CUX1: variants seen among roughly 807,000 people sequenced by gnomAD.
The protein encoded by CUX1 is cut like homeobox 1, also known as protein CASP.
Under a neutral mutation model 158.8 loss-of-function variants are expected in CUX1, and 31 were observed. The ratio of observed to expected loss-of-function variants is 0.20; its 90% CI spans 0.15 to 0.26. The LOEUF (loss-of-function observed/expected upper bound fraction) is 0.26. CUX1 is among the 10% of genes least tolerant of loss of function. The pLI is 1.00. For synonymous variants in CUX1, 879 were observed against 862.1 expected, an observed-to-expected ratio of 1.02 and a Z score of -0.34; for missense variants, 1,589 against 2,014.6, an observed-to-expected ratio of 0.79 and a Z score of 4.04.
chr7:102,280,672 C>T lies in CUX1; in HGVS notation c.1765-132C>T, dbSNP rs576620552. 303 of 829,456 alleles carry T rather than the reference C, an allele frequency of 3.7e-4. 2 individuals are homozygous for T. The African/African-American group carries it at 4.7e-3, about 13-fold the overall frequency. 51.4% of individuals were successfully genotyped at this position (829,456 alleles called of 1,614,324 possible). On this transcript the variant is annotated intron_variant, in intron 19 of 22. Transcript: ENST00000292538. Reference sequence around the variant, plus strand: ...ACCCAGGGAAGCCCCTGGCAGCACCCTGGCAGCCCCCTGGGGGTCTGCAAG... The same window carrying T: ...ACCCAGGGAAGCCCCTGGCAGCACCTTGGCAGCCCCCTGGGGGTCTGCAAG...
intron 20 of CUX1, among the ~76,000 whole-genome samples, chr7:102,219,055 A>AACACACAC (rs3138788): frequency 0.06 from 7,553 of 126,260 alleles, 295 homozygotes; most frequent in Admixed American, 0.11. Flanking sequence ...CCTGCCTCAA[A>AACACACAC]ACACACACAC....
At chr7:101,891,605 A>G (rs1399916891) in intron 1 of CUX1, among the ~76,000 whole-genome samples, 1 of 152,214 alleles carries the variant, frequency 6.6e-6, no homozygotes, top group Non-Finnish European at 1.5e-5. Flanking sequence ...CCAGAGATCA[A>G]TAAGACAGCC....
intron 1 of CUX1, among the ~76,000 whole-genome samples, chr7:101,857,242 T>A (rs996116173): frequency 3.3e-5 from 5 of 152,240 alleles, no homozygotes; most frequent in Non-Finnish European, 5.9e-5. Context: ...CCCGGGCACC[T>A]CCTACAGGGC....
At chr7:102,224,569 C>G (rs534036699) in intron 20 of CUX1, among the ~76,000 whole-genome samples, 20 of 152,322 alleles carry the variant, frequency 1.3e-4, no homozygotes, top group South Asian at 1.2e-3. Flanking sequence ...GCCTGGACCT[C>G]TCAGGGCTCG....
chr7:101,990,717 A>C (rs1814995108), intron 2 of CUX1, among the ~76,000 whole-genome samples: 1 of 152,124 alleles, frequency 6.6e-6, no homozygotes, highest in Non-Finnish European at 1.5e-5. Context: ...CATGGGATAA[A>C]TGGGGAAAAC....
intron 3 of CUX1, among the ~76,000 whole-genome samples, chr7:102,045,161 C>G (rs569274075): frequency 1.2e-3 from 179 of 152,356 alleles, no homozygotes; most frequent in Non-Finnish European, 2.3e-3. Flanking sequence ...GCTCAACATC[C>G]AGGCCAGCTG....
At chr7:102,090,763 T>C (rs1164376678) in intron 4 of CUX1, among the ~76,000 whole-genome samples, 4 of 152,008 alleles carry the variant, frequency 2.6e-5, no homozygotes, top group Non-Finnish European at 5.9e-5. Context: ...TTGAAACTTC[T>C]TTTGGCAAAT....
intron 8 of CUX1, among the ~76,000 whole-genome samples, chr7:102,133,771 G>A (rs1380599725): frequency 9.2e-5 from 14 of 151,592 alleles, no homozygotes; most frequent in African/African-American, 3.4e-4. Context: ...CACCACACTC[G>A]GCCTAGAAAA....
chr7:101,824,955 A>T (rs1170148771), intron 1 of CUX1, among the ~76,000 whole-genome samples: 1 of 152,232 alleles, frequency 6.6e-6, no homozygotes, highest in East Asian at 1.9e-4. Flanking sequence ...TGTGGCAGAT[A>T]ATGGTGAAAC....
intron 2 of CUX1, among the ~76,000 whole-genome samples, chr7:101,929,603 C>T (rs1001312747): frequency 2.0e-5 from 3 of 152,280 alleles, no homozygotes; most frequent in South Asian, 2.1e-4. Context: ...TGGTTGAAAT[C>T]GTGGTGAGCT....
intron 10 of CUX1, among the ~76,000 whole-genome samples, chr7:102,172,858 T>G (rs1205173531): frequency 2.0e-5 from 3 of 152,198 alleles, no homozygotes; most frequent in Non-Finnish European, 4.4e-5. Flanking sequence ...GGCCAGGAGT[T>G]TGAGACCGGC....
At chr7:101,935,248 G>T (rs755929999) in intron 2 of CUX1, among the ~76,000 whole-genome samples, 1 of 152,016 alleles carries the variant, frequency 6.6e-6, no homozygotes, top group African/African-American at 2.4e-5. Flanking sequence ...CACTCTGCCC[G>T]CCAGAGAACA....
intron 2 of CUX1, among the ~76,000 whole-genome samples, chr7:101,955,779 C>G (rs1809692059): frequency 6.6e-6 from 1 of 152,082 alleles, no homozygotes; most frequent in South Asian, 2.1e-4. Context: ...ATGGTTGGAC[C>G]TAGGGATTTG....
intron 1 of CUX1, among the ~76,000 whole-genome samples, chr7:101,876,677 T>C (rs1432883087): frequency 6.6e-6 from 1 of 150,628 alleles, no homozygotes; most frequent in Non-Finnish European, 1.5e-5. Context: ...CCTGGCAACA[T>C]AGCAAAACTC....
At chr7:101,934,259 C>T (rs1806655925) in intron 2 of CUX1, among the ~76,000 whole-genome samples, 1 of 152,176 alleles carries the variant, frequency 6.6e-6, no homozygotes, top group Non-Finnish European at 1.5e-5. Context: ...AAATTAGAGC[C>T]TAAAAGTCAT....
At chr7:101,975,517 A>C (rs1180996183) in intron 2 of CUX1, among the ~76,000 whole-genome samples, 3 of 152,044 alleles carry the variant, frequency 2.0e-5, no homozygotes, top group Admixed American at 2.0e-4. Context: ...TGATTGTGTC[A>C]TGTACTCCAA....
chr7:102,238,813 TCCG>T (rs1799867077), intron 22 of CUX1, among the ~76,000 whole-genome samples: 1 of 152,224 alleles, frequency 6.6e-6, no homozygotes, highest in African/African-American at 2.4e-5. Context: ...GACCTGACAT[TCCG>T]TCAGAGCAGG....
chr7:102,249,853 C>T lies in CUX1; in HGVS notation c.*811C>T, dbSNP rs1469809439. 2.7e-5 allele frequency: 27 copies of T among 985,608 alleles called. No individual in the cohort carries two copies. The highest frequency in any genetic ancestry group is 3.1e-5 in the Non-Finnish European group (26 of 829,786). The allele number at this position is 985,608 out of a possible 1,614,324, so 61.1% of individuals were successfully genotyped here. On this transcript the variant is annotated 3_prime_UTR_variant, in exon 24 of 24. Transcript: ENST00000292535. Reference sequence around the variant, plus strand: ...TTTGAATTAAAATAAAACACATTTACTCCACATATTTTTTAACAAAAAGAA... The same window carrying T: ...TTTGAATTAAAATAAAACACATTTATTCCACATATTTTTTAACAAAAAGAA...
chr7:102,183,988 C>G (rs1279150386), intron 11 of CUX1, among the ~76,000 whole-genome samples: 1 of 152,184 alleles, frequency 6.6e-6, no homozygotes, highest in African/African-American at 2.4e-5. Flanking sequence ...GCCTCGACCT[C>G]CCTGGCTCAA....
Sources: allele counts gnomAD v4.1 joint callset (sites outside exome capture counted in the v4.1 genomes callset), GRCh38; gene constraint gnomAD v4.1.1; transcripts MANE v1.5; gene names NCBI Gene and HGNC (gene_info 2026-07-23, HGNC 2026-07-21).